The following RPS6KA2 variants were observed in gnomAD, a reference collection of about 807,000 sequenced individuals.
The protein encoded by RPS6KA2 is ribosomal protein S6 kinase A2, also known as ribosomal protein S6 kinase alpha-2.
Under a neutral mutation model 91.8 loss-of-function variants are expected in RPS6KA2, and 42 were observed. The observed-to-expected ratio is 0.46, with a 90% CI of 0.36 to 0.59. The LOEUF (loss-of-function observed/expected upper bound fraction) is 0.59, where lower values mean the gene tolerates loss of function less well. Ranked by LOEUF, RPS6KA2 falls within the 20% of genes least tolerant of loss-of-function variation. RPS6KA2 has a pLI of 0.00. For missense variants in RPS6KA2, 798 were observed against 978.5 expected (o/e 0.82, Z 2.46); for synonymous variants, 414 against 393.6 (o/e 1.05, Z -0.61).
chr6:166,745,203 G>A (rs1390552408), intron 2 of RPS6KA2, among the ~76,000 whole-genome samples: 2 of 148,912 alleles, frequency 1.3e-5, no homozygotes, highest in Admixed American at 6.7e-5. Context: ...CCAGGCTGGA[G>A]TGCAGTGGCG....
chr6:166,627,561 C>T, upstream of RPS6KA2: 1 of 153,184 alleles, frequency 6.5e-6, no homozygotes, highest in Non-Finnish European at 1.5e-5. Context: ...CCGTGCAGCC[C>T]CGCCCCCACG....
At chr6:166,513,279 C>G (rs1782533069) in intron 3 of RPS6KA2, among the ~76,000 whole-genome samples, 1 of 152,110 alleles carries the variant, frequency 6.6e-6, no homozygotes, top group Non-Finnish European at 1.5e-5. Flanking sequence ...TAGTGTCTCC[C>G]CTAAACCTCA....
intron 1 of RPS6KA2, among the ~76,000 whole-genome samples, chr6:166,575,688 A>C (rs1784818315): frequency 6.6e-6 from 1 of 152,210 alleles, no homozygotes; most frequent in African/African-American, 2.4e-5. Flanking sequence ...AACACCTCCC[A>C]CTGAGCTGAA....
intron 2 of RPS6KA2, among the ~76,000 whole-genome samples, chr6:166,829,203 T>G (rs542788148): frequency 1.3e-5 from 2 of 152,260 alleles, no homozygotes; most frequent in South Asian, 4.1e-4. Flanking sequence ...GGCAAGGATG[T>G]GGAGAAACTG....
intron 2 of RPS6KA2, among the ~76,000 whole-genome samples, chr6:166,841,374 C>T (rs942769053): frequency 9.8e-5 from 15 of 152,382 alleles, no homozygotes; most frequent in African/African-American, 3.6e-4. Context: ...TGCTTCTTGC[C>T]ATGCTGAGCC....
rs1419093405 is a variant in RPS6KA2 at position 166,849,335 on chromosome 6, C to T, written c.123+8865G>A. Among the ~76,000 whole-genome samples the T allele has an allele frequency of 6.6e-6, 1 of 152,234 alleles. No individual in the cohort carries two copies. Among genetic ancestry groups the T allele is most frequent in the African/African-American group, 2.4e-5 (1 of 41,458 alleles). The stretch of plus-strand genomic sequence containing the variant: ...CCTGTCACCCTATTTCTGCACAGTA[C>T]TTACCCCCGTGTGAAACCATCTTGT... On this transcript the variant is annotated intron_variant, in intron 2 of 21. Transcript: ENST00000503859. The surrounding 1 kb of genome is among the most constrained non-coding windows in gnomAD (Gnocchi z 4.9).
chr6:166,705,128 T>A (rs1459538303), intron 2 of RPS6KA2, among the ~76,000 whole-genome samples: 1 of 152,192 alleles, frequency 6.6e-6, no homozygotes, highest in Non-Finnish European at 1.5e-5. Context: ...TCTGAGATGT[T>A]CACCTCAAAC....
chr6:166,593,710 C>T lies in RPS6KA2; in HGVS notation c.99+33211G>A, dbSNP rs182496033. Reference sequence around the variant, plus strand: ...GCTCTTAATATATAAAGAGCTCTTACGAATCAGTAAGGAAGACAAATAGTT... The same window carrying T: ...GCTCTTAATATATAAAGAGCTCTTATGAATCAGTAAGGAAGACAAATAGTT... On this transcript the variant is annotated intron_variant, in intron 1 of 20. Transcript: ENST00000265678. Among the ~76,000 whole-genome samples, 250 of 151,554 alleles carry T rather than the reference C, an allele frequency of 1.6e-3. 2 individuals carry two copies. Among genetic ancestry groups the T allele is most frequent in the African/African-American group, 5.7e-3 (237 of 41,340 alleles).
chr6:166,551,141 A>G lies in RPS6KA2; in HGVS notation c.100-12357T>C, dbSNP rs1784011386. Among the ~76,000 whole-genome samples the G allele has an allele frequency of 2.0e-5, 3 of 151,700 alleles. No individual in the cohort carries two copies. In the South Asian group the frequency reaches 6.2e-4, roughly 31 times the overall value. The stretch of plus-strand genomic sequence containing the variant: ...GAAGGGTTCAATTTTTTTTTCTTTC[A>G]AAGTCCTTAGGATTAACTCAAGCAA... On this transcript the variant is annotated intron_variant, in intron 1 of 20. Coordinates refer to ENST00000265678, the MANE Select transcript of RPS6KA2 (RefSeq NM_021135.6).
intron 2 of RPS6KA2, among the ~76,000 whole-genome samples, chr6:166,809,869 C>T (rs1439782740): frequency 6.6e-6 from 1 of 152,234 alleles, no homozygotes; most frequent in Non-Finnish European, 1.5e-5. Flanking sequence ...TGTGAGGACG[C>T]TCATGCAGCC....
chr6:166,496,187 C>T (rs980826823), intron 8 of RPS6KA2, among the ~76,000 whole-genome samples: 2 of 151,366 alleles, frequency 1.3e-5, no homozygotes, highest in African/African-American at 4.9e-5. Flanking sequence ...CCTGTCTCTA[C>T]TAAAATGCAA....
intron 2 of RPS6KA2, among the ~76,000 whole-genome samples, chr6:166,680,518 C>T (rs1015818385): frequency 1.3e-5 from 2 of 152,090 alleles, no homozygotes; most frequent in Non-Finnish European, 2.9e-5. Context: ...CTTTTTGGGT[C>T]TGTGCCGCTT....
Position 166,415,576 on chromosome 6 carries a change from G to C in RPS6KA2, c.1939-1645C>G, listed in dbSNP as rs144669240. The stretch of plus-strand genomic sequence containing the variant: ...GACCTCTGCCTGCAGCAGCGATCTT[G>C]ACAATGTGCCCTTGTCCTTGACTTT... On this transcript the variant is annotated intron_variant, in intron 19 of 20. Coordinates refer to ENST00000265678, the MANE Select transcript of RPS6KA2 (RefSeq NM_021135.6). 2.5e-3 allele frequency among the ~76,000 whole-genome samples: 383 copies of C among 152,210 alleles called. 3 individuals are homozygous for C. Among genetic ancestry groups the C allele is most frequent in the African/African-American group, 8.9e-3 (369 of 41,514 alleles).
rs779326307 is a variant in RPS6KA2, at chr6:166,459,545, A to G, written c.979T>C (p.Tyr327His). The change falls in exon 12 of 21, where the codon TAC (tyrosine) becomes CAC (histidine). Residue 327 changes from tyrosine to histidine, a missense_variant. Physicochemically the swap from Tyr to His is moderately conservative, Grantham distance 83. Coordinates refer to ENST00000265678, the MANE Select transcript of RPS6KA2 (RefSeq NM_021135.6). This position sits in a 1 kb window ranked among gnomAD's most constrained non-coding sequence, Gnocchi z 4.9. ...AACGGTGGCTTGATCTCCTTCCGGT[A>G]CAGCGTCTATTAATACAAGGAAAGC... is the stretch of plus-strand genomic sequence containing the variant. Reference protein sequence around the residue: ...FFVTIDWNTLYRKEIKPPFKP... With the variant: ...FFVTIDWNTLHRKEIKPPFKP... The G allele has an allele frequency of 6.2e-7, 1 of 1,612,462 alleles. No individual in the cohort carries two copies. The highest frequency in any genetic ancestry group is 1.7e-5 in the Admixed American group (1 of 59,982).
At chr6:166,667,157 T>A (rs1161385207) in intron 2 of RPS6KA2, among the ~76,000 whole-genome samples, 3 of 152,234 alleles carry the variant, frequency 2.0e-5, no homozygotes, top group Non-Finnish European at 4.4e-5. Context: ...AACGGAGTTC[T>A]GGAGAAAGAT....
At chr6:166,793,492 G>A (rs1177691478) in intron 2 of RPS6KA2, among the ~76,000 whole-genome samples, 2 of 149,196 alleles carry the variant, frequency 1.3e-5, no homozygotes, top group African/African-American at 2.5e-5. Flanking sequence ...TCACAGAATT[G>A]GAAAAAACTA....
At chr6:166,806,923 C>T (rs974564481) in intron 2 of RPS6KA2, among the ~76,000 whole-genome samples, 4 of 152,128 alleles carry the variant, frequency 2.6e-5, no homozygotes, top group Non-Finnish European at 5.9e-5. Flanking sequence ...CTATTAATGT[C>T]ATGATGGTAC....
At position 166,493,932 on chromosome 6, in the gene RPS6KA2, C is replaced by T. The variant is rs1013026319; in HGVS notation, c.748-3191G>A. Reference sequence around the variant, plus strand: ...AGGAACCTGGAAAGAGTGGCGGCCCCGGCACAGGCAGGATGCGCCTCATGG... The same window carrying T: ...AGGAACCTGGAAAGAGTGGCGGCCCTGGCACAGGCAGGATGCGCCTCATGG... On this transcript the variant is annotated intron_variant, in intron 8 of 20. Transcript: ENST00000265678. This position sits in a 1 kb window ranked among gnomAD's most constrained non-coding sequence, Gnocchi z 4.7. Among the ~76,000 whole-genome samples the T allele has an allele frequency of 2.6e-5, 4 of 152,136 alleles. No homozygotes were observed. Among genetic ancestry groups the T allele is most frequent in the African/African-American group, 7.2e-5 (3 of 41,424 alleles).
chr6:166,823,285 TG>T (rs1779949168), intron 2 of RPS6KA2, among the ~76,000 whole-genome samples: 1 of 152,118 alleles, frequency 6.6e-6, no homozygotes, highest in Non-Finnish European at 1.5e-5. Context: ...ACTTAAGAGG[TG>T]TGTCAACCAA....
Sources: gnomAD v4.1 joint callset for allele counts (sites outside exome capture counted in the v4.1 genomes callset) on GRCh38, gnomAD v4.1.1 for gene constraint, Gnocchi (gnomAD v3.1) non-coding constraint, MANE v1.5 for transcripts, NCBI Gene and HGNC (gene_info 2026-07-23, HGNC 2026-07-21) for gene names.